CHRM3: variants seen among roughly 807,000 people sequenced by gnomAD.
CHRM3 encodes muscarinic acetylcholine receptor M3.
A neutral mutation model predicts 41.8 loss-of-function variants in CHRM3; 11 were observed. The ratio of observed to expected loss-of-function variants is 0.26; its 90% CI spans 0.17 to 0.44. The LOEUF is 0.44. CHRM3 is among the 20% of genes least tolerant of loss of function. CHRM3 has a pLI of 1.00. For missense variants in CHRM3, 571 were observed against 745.4 expected, an observed-to-expected ratio of 0.77 and a Z score of 2.72; for synonymous variants, 297 against 301.4, an observed-to-expected ratio of 0.99 and a Z score of 0.15.
intron 2 of CHRM3, among the ~76,000 whole-genome samples, chr1:239,542,245 G>T (rs759257529): frequency 4.6e-5 from 7 of 151,996 alleles, no homozygotes; most frequent in Admixed American, 6.6e-5. Flanking sequence ...CAGTATATTT[G>T]TACCTGAGGA....
At chr1:239,888,263 A>G (rs1678236890) in intron 6 of CHRM3, among the ~76,000 whole-genome samples, 1 of 152,016 alleles carries the variant, frequency 6.6e-6, no homozygotes, top group Non-Finnish European at 1.5e-5. Flanking sequence ...GCTACCCGGG[A>G]GGCTGAGGTA....
At chr1:239,576,938 A>G (rs1572765665) in intron 3 of CHRM3, among the ~76,000 whole-genome samples, 2 of 152,222 alleles carry the variant, frequency 1.3e-5, no homozygotes, top group African/African-American at 4.8e-5. Flanking sequence ...AACACATAAC[A>G]ATTTCAGCTT....
chr1:239,482,804 CA>C (rs1259647832), intron 1 of CHRM3, among the ~76,000 whole-genome samples: 3 of 152,222 alleles, frequency 2.0e-5, no homozygotes, highest in Admixed American at 6.5e-5. Flanking sequence ...AGTAGACTGT[CA>C]GTAAATATTT....
rs558650974 is a variant in CHRM3 at position 239,874,824 on chromosome 1, G to A, written c.-19-32609G>A. ...AGAGACTGTCCCGCCTCAGCCTCCC[G>A]AGTGGCTGGGATGACAGGCATGCAC... On this transcript the variant is annotated intron_variant, in intron 6 of 6. Transcript: ENST00000676153. 7.9e-5 allele frequency among the ~76,000 whole-genome samples: 12 copies of A among 151,456 alleles called. No individual in the cohort carries two copies. In the South Asian group the frequency reaches 1.7e-3, roughly 21 times the overall value.
intron 3 of CHRM3, among the ~76,000 whole-genome samples, chr1:239,569,143 T>A (rs1661615298): frequency 1.3e-5 from 2 of 152,358 alleles, no homozygotes; most frequent in South Asian, 4.1e-4. Flanking sequence ...TACATGCACA[T>A]GTAAATATAA....
intron 6 of CHRM3, among the ~76,000 whole-genome samples, chr1:239,839,549 T>G (rs546135): frequency 0.98 from 148,823 of 152,280 alleles, 72,825 homozygotes; most frequent in Middle Eastern, 1. Flanking sequence ...GAACATGTTT[T>G]GGCAGAAAAG....
chr1:239,722,878 T>G (rs942669318), intron 5 of CHRM3, among the ~76,000 whole-genome samples: 6 of 151,894 alleles, frequency 4.0e-5, no homozygotes, highest in Non-Finnish European at 4.4e-5. Flanking sequence ...AATATGAACA[T>G]GTATCAACTA....
In CHRM3 at chr1:239,407,417, T is replaced by TATATATATATATAGAGAGAGAG; in HGVS notation, c.-521+20191_-521+20192insTATATATATATAGAGAGAGAGA. 1.4e-4 allele frequency among the ~76,000 whole-genome samples: 19 copies of TATATATATATATAGAGAGAGAG among 134,214 alleles called. No individual in the cohort carries two copies. The South Asian group carries it at 3.8e-3, about 27-fold the overall frequency. The allele number at this position is 134,214 out of a possible 152,430, so 88.0% of individuals were successfully genotyped here. The stretch of plus-strand genomic sequence containing the variant: ...ACCAATGACTATAAATATATATATA[T>TATATATATATATAGAGAGAGAG]AGAGAGAGAGAGAGAGAGAGAGAGC... On this transcript the variant is annotated intron_variant, in intron 1 of 6. Transcript: ENST00000676153.
intron 3 of CHRM3, among the ~76,000 whole-genome samples, chr1:239,618,735 T>A (rs1298655468): frequency 6.7e-6 from 1 of 148,788 alleles, no homozygotes; most frequent in South Asian, 2.2e-4. Flanking sequence ...TCCCAGCTAC[T>A]TGGGAGGCTG....
At chr1:239,641,029 T>C (rs61630137) in intron 4 of CHRM3, among the ~76,000 whole-genome samples, 1 of 152,122 alleles carries the variant, frequency 6.6e-6, no homozygotes, top group Non-Finnish European at 1.5e-5. Context: ...ATGTACCCAG[T>C]AGTCATTCAG....
At chr1:239,401,200 A>T (rs949687498) in intron 1 of CHRM3, among the ~76,000 whole-genome samples, 2 of 152,184 alleles carry the variant, frequency 1.3e-5, no homozygotes, top group African/African-American at 4.8e-5. Flanking sequence ...GGCTGAATAA[A>T]GAAACTGGTA....
intron 6 of CHRM3, among the ~76,000 whole-genome samples, chr1:239,833,929 C>T (rs904987700): frequency 2.0e-5 from 3 of 152,112 alleles, no homozygotes; most frequent in Admixed American, 2.0e-4. Flanking sequence ...TTTAAATAAA[C>T]AATGAGCTGT....
At chr1:239,878,462 GA>G (rs1677305791) in intron 6 of CHRM3, among the ~76,000 whole-genome samples, 1 of 152,082 alleles carries the variant, frequency 6.6e-6, no homozygotes, top group African/African-American at 2.4e-5. Flanking sequence ...AAATACCGAT[GA>G]GGCTTCGCTT....
At chr1:239,621,345 C>A (rs1197304051) in intron 3 of CHRM3, among the ~76,000 whole-genome samples, 1 of 152,212 alleles carries the variant, frequency 6.6e-6, no homozygotes, top group East Asian at 1.9e-4. Context: ...AATAGTCTTA[C>A]AACAGCCTCT....
chr1:239,799,768 CAG>C (rs1491481513), intron 5 of CHRM3, among the ~76,000 whole-genome samples: 1 of 152,140 alleles, frequency 6.6e-6, no homozygotes, highest in African/African-American at 2.4e-5. Flanking sequence ...AGCCCTGTCT[CAG>C]GGGGAGAAAA....
chr1:239,492,185 C>T (rs1254957594), intron 1 of CHRM3, among the ~76,000 whole-genome samples: 1 of 152,148 alleles, frequency 6.6e-6, no homozygotes, highest in East Asian at 1.9e-4. Flanking sequence ...CAATATTGCT[C>T]TTTACTTCCA....
chr1:239,594,753 C>A (rs1234862858), intron 3 of CHRM3, among the ~76,000 whole-genome samples: 2 of 152,116 alleles, frequency 1.3e-5, no homozygotes, highest in Non-Finnish European at 2.9e-5. Context: ...GCCCTTCATA[C>A]CCCTGGGTTC....
chr1:239,479,089 C>T (rs1666650850), intron 1 of CHRM3, among the ~76,000 whole-genome samples: 1 of 151,856 alleles, frequency 6.6e-6, no homozygotes, highest in Non-Finnish European at 1.5e-5. Context: ...GAGGCTTTTG[C>T]AGGAGAATTG....
At chr1:239,468,845 T>C (rs1665914286) in intron 1 of CHRM3, among the ~76,000 whole-genome samples, 1 of 152,124 alleles carries the variant, frequency 6.6e-6, no homozygotes, top group African/African-American at 2.4e-5. Context: ...CCTAGCCAAA[T>C]TGGGAAAGAT....
Sources: allele counts gnomAD v4.1 joint callset (sites outside exome capture counted in the v4.1 genomes callset), GRCh38; gene constraint gnomAD v4.1.1; transcripts MANE v1.5; gene names NCBI Gene and HGNC (gene_info 2026-07-23, HGNC 2026-07-21).